The following HK1 variants were observed in gnomAD, a reference collection of about 807,000 sequenced individuals.
HK1 encodes hexokinase 1.
Under a neutral mutation model 91.6 loss-of-function variants are expected in HK1, and 28 were observed. That is an observed-to-expected ratio of 0.31 (90% CI 0.23 to 0.42). The LOEUF (loss-of-function observed/expected upper bound fraction) is 0.42. Ranked by LOEUF, HK1 falls within the 10% of genes least tolerant of loss-of-function variation. HK1 has a pLI of 1.00. For missense variants in HK1, 770 were observed against 1,219.8 expected (o/e 0.63, Z 5.49); for synonymous variants, 430 against 468.1 (o/e 0.92, Z 1.05).
intron 1 of HK1, among the ~76,000 whole-genome samples, chr10:69,271,625 C>T (rs1844173393): frequency 6.6e-6 from 1 of 151,738 alleles, no homozygotes; most frequent in African/African-American, 2.4e-5. Context: ...CTACAGGTGC[C>T]TCCCACCACG....
chr10:69,355,386 A>C (rs1426952419), intron 2 of HK1, among the ~76,000 whole-genome samples: 2 of 152,220 alleles, frequency 1.3e-5, no homozygotes, highest in Admixed American at 1.3e-4. Context: ...AGCTGAAGGA[A>C]TTTCACTGCC....
chr10:69,329,243 A>G (rs1199522200), intron 1 of HK1, among the ~76,000 whole-genome samples: 1 of 151,014 alleles, frequency 6.6e-6, no homozygotes, highest in African/African-American at 2.4e-5. Flanking sequence ...GCTCAGTGCA[A>G]CCTCTGCCTC....
At position 69,366,534 on chromosome 10, in the gene HK1, G is replaced by A. The variant is rs563295960; in HGVS notation, c.495+1632G>A. ...GGGTCACAGGGCTTATTAATGGCAG[G>A]CCTTGGACCAGGGTCCCAGGCCCCA... On this transcript the variant is annotated intron_variant, in intron 4 of 17. Transcript: ENST00000359426. Among the ~76,000 whole-genome samples, 6 of 152,180 alleles carry A rather than the reference G, an allele frequency of 3.9e-5. No individual in the cohort carries two copies. In the East Asian group the frequency reaches 9.7e-4, roughly 24 times the overall value.
intron 3 of HK1, among the ~76,000 whole-genome samples, chr10:69,288,934 G>C (rs1412224365): frequency 6.6e-6 from 1 of 152,060 alleles, no homozygotes; most frequent in African/African-American, 2.4e-5. Context: ...TACAGGCATG[G>C]GCCACCACAC....
intron 1 of HK1, among the ~76,000 whole-genome samples, chr10:69,276,159 TTA>T (rs1564746931): frequency 1.7e-4 from 22 of 125,956 alleles, no homozygotes; most frequent in African/African-American, 6.2e-4. Flanking sequence ...ATATTCTATA[TTA>T]AATAAGTAAT....
At chr10:69,293,780 T>C (rs1845404659) in intron 3 of HK1, among the ~76,000 whole-genome samples, 1 of 151,988 alleles carries the variant, frequency 6.6e-6, no homozygotes, top group East Asian at 1.9e-4. Flanking sequence ...CTGGGGCTCA[T>C]TCACATAGTG....
chr10:69,289,752 G>A (rs968429052), intron 3 of HK1, among the ~76,000 whole-genome samples: 1 of 149,862 alleles, frequency 6.7e-6, no homozygotes, highest in East Asian at 2.0e-4. Context: ...GATTATAGGC[G>A]TGAGCTACTG....
intron 7 of HK1, among the ~76,000 whole-genome samples, chr10:69,373,389 G>T (rs574411054): frequency 1.3e-4 from 20 of 152,280 alleles, no homozygotes; most frequent in African/African-American, 4.8e-4. Context: ...GGCAGCAGAG[G>T]AACCTGCTTT....
At chr10:69,321,117 G>A (rs1039676526) in intron 1 of HK1, among the ~76,000 whole-genome samples, 1 of 152,164 alleles carries the variant, frequency 6.6e-6, no homozygotes, top group Admixed American at 6.5e-5. Flanking sequence ...ATTTCACCAC[G>A]GACTTCCTAT....
At chr10:69,368,954 A>G (rs908954262) in intron 5 of HK1, among the ~76,000 whole-genome samples, 4 of 152,170 alleles carry the variant, frequency 2.6e-5, no homozygotes, top group African/African-American at 9.7e-5. Flanking sequence ...CTTATCGGGG[A>G]CGTGGACCTC....
intron 1 of HK1, among the ~76,000 whole-genome samples, chr10:69,334,707 G>A (rs1046921599): frequency 1.5e-4 from 23 of 152,120 alleles, no homozygotes; most frequent in Admixed American, 1.3e-4. Context: ...CACACAAAGG[G>A]CCCAGAGGGC....
At position 69,384,320 on chromosome 10, in the gene HK1, T is replaced by A; in HGVS notation, c.1571-13T>A. On this transcript the variant is annotated splice_polypyrimidine_tract_variant and intron_variant, in intron 10 of 17. Transcript: ENST00000359426. ...GCTGTTTTTGACATTCTTTACGCTT[T>A]TGACTGCAACAGAGAATGGTGACTT... 6.2e-7 allele frequency: 1 copy of A among 1,614,274 alleles called. No homozygotes were observed. The highest frequency in any genetic ancestry group is 2.2e-5 in the East Asian group (1 of 44,884).
Position 69,376,948 on chromosome 10 carries a change from T to G in HK1, c.890T>G (p.Val297Gly). ...NPGKQLFEKM[V>G]SGMYLGELVR... The stretch of plus-strand genomic sequence containing the variant: ...TTTCTCCACAGGTTTGAGAAGATGG[T>G]CAGTGGCATGTACTTGGGAGAGCTG... The change falls in exon 8 of 18, where the codon GTC becomes GGC. Residue 297 changes from valine (V) to glycine (G), a missense_variant. Physicochemically the swap from Val to Gly is moderately radical, Grantham distance 109. Transcript: ENST00000359426. 1 of 1,614,126 alleles carries G rather than the reference T, an allele frequency of 6.2e-7. No individual in the cohort carries two copies. The highest frequency in any genetic ancestry group is 8.5e-7 in the Non-Finnish European group (1 of 1,180,014).
chr10:69,389,056 T>C (rs1839777408), intron 13 of HK1, 141 bp from the exon 14 acceptor site: 1 of 710,372 alleles, frequency 1.4e-6, no homozygotes, highest in East Asian at 2.7e-5. Flanking sequence ...GAACATTCAT[T>C]ACCTTTTTGT....
intron 1 of HK1, among the ~76,000 whole-genome samples, chr10:69,282,372 A>G (rs190031134): frequency 1.3e-3 from 198 of 152,346 alleles, no homozygotes; most frequent in African/African-American, 4.2e-3. Context: ...CTGAATGTCA[A>G]GGGCATCCAA....
At chr10:69,284,582 G>C (rs948355690) in intron 2 of HK1, among the ~76,000 whole-genome samples, 1 of 152,188 alleles carries the variant, frequency 6.6e-6, no homozygotes, top group Non-Finnish European at 1.5e-5. Flanking sequence ...GGGAAGCTGA[G>C]AGAGGAGGAT....
Position 69,392,269 on chromosome 10 carries a change from G to C in HK1, c.2180G>C (p.Arg727Thr). 1 of 1,614,214 alleles carries C rather than the reference G, an allele frequency of 6.2e-7. No homozygotes were observed. The highest frequency in any genetic ancestry group is 8.5e-7 in the Non-Finnish European group (1 of 1,180,042). Residue 727 changes from arginine to threonine, a missense_variant, in exon 15 of 18, where the codon AGA becomes ACA. By Grantham distance (71) the Arg-to-Thr change is moderately conservative (BLOSUM62 -1). This residue lies in a region of HK1 where 152 missense variants were observed against 211.1 expected (regional missense o/e 0.72). Coordinates refer to ENST00000359426, the MANE Select transcript of HK1 (RefSeq NM_000188.3). ...GATGATATCAGGACACACTACGACA[G>C]ACTGGTGGACGAATATTCCCTAAAT... is the stretch of plus-strand genomic sequence containing the variant. ...CLDDIRTHYD[R>T]LVDEYSLNAG...
chr10:69,312,813 C>G (rs1219293558), upstream of HK1, among the ~76,000 whole-genome samples: 1 of 152,106 alleles, frequency 6.6e-6, no homozygotes, highest in Non-Finnish European at 1.5e-5. Context: ...TCCTTCTGGT[C>G]TTTTGGTCTT....
At chr10:69,293,060 G>C (rs114826030) in intron 3 of HK1, among the ~76,000 whole-genome samples, 13 of 152,246 alleles carry the variant, frequency 8.5e-5, no homozygotes, top group Middle Eastern at 3.4e-3. Context: ...TCCAGAGCAG[G>C]CATGCTGGCT....
Sources: gnomAD v4.1 joint callset for allele counts (sites outside exome capture counted in the v4.1 genomes callset) on GRCh38, gnomAD v4.1.1 for gene constraint, gnomAD v4.1.1 regional missense constraint, MANE v1.5 for transcripts, NCBI Gene and HGNC (gene_info 2026-07-23, HGNC 2026-07-21) for gene names.